ESRRG: variants seen among roughly 807,000 people sequenced by gnomAD.
ESRRG encodes the protein estrogen related receptor gamma.
Under a neutral mutation model 44.0 loss-of-function variants are expected in ESRRG, and 13 were observed. That is an observed-to-expected ratio of 0.30 (90% CI 0.19 to 0.47). The LOEUF is 0.47. ESRRG is among the 20% of genes least tolerant of loss of function. The probability of loss-of-function intolerance (pLI) is 1.00; values close to 1 mark genes in which losing one functional copy is unlikely to be tolerated. For missense variants in ESRRG, 395 were observed against 580.6 expected (o/e 0.68, Z 3.29); for synonymous variants, 215 against 214.6 (o/e 1.00, Z -0.02).
At chr1:217,069,277 A>G (rs899607874) in intron 1 of ESRRG, among the ~76,000 whole-genome samples, 4 of 152,226 alleles carry the variant, frequency 2.6e-5, no homozygotes, top group Non-Finnish European at 4.4e-5. Flanking sequence ...AAGTTCTTCA[A>G]TTTTGGGACT....
At chr1:216,520,693 A>G (rs1386855167) in intron 5 of ESRRG, among the ~76,000 whole-genome samples, 1 of 152,148 alleles carries the variant, frequency 6.6e-6, no homozygotes, top group East Asian at 1.9e-4. Context: ...ATGGCTTCTG[A>G]GGACAGTGGT....
rs2060477732 is a variant in ESRRG, at chr1:216,912,176, AAAAGAAAAGGAGAGGAGAGG to A, written c.-14+27386_-14+27405del. 3.3e-3 allele frequency among the ~76,000 whole-genome samples: 99 copies of A among 30,076 alleles called. 12 individuals carry two copies. The highest frequency in any genetic ancestry group is 6.8e-3 in the African/African-American group (42 of 6,160). The allele number at this position is 30,076 out of a possible 152,430, so 19.7% of individuals were successfully genotyped here. A position where few individuals can be genotyped will look rare whatever the true frequency, so the allele number is the denominator to read the frequency against. On this transcript the variant is annotated intron_variant, in intron 2 of 7. Transcript: ENST00000359162. ...AAAAGAAAAGAAAAGAAAAGAAAAGAAAAGAAAAGGAGAGGAGAGGAGAGGAGAGGAGAGGAGAGGAGAGG... is the reference window on the plus strand; with the variant it reads ...AAAAGAAAAGAAAAGAAAAGAAAAGAAGAGGAGAGGAGAGGAGAGGAGAGG...
chr1:216,820,064 T>A (rs768190390), intron 2 of ESRRG, among the ~76,000 whole-genome samples: 11 of 152,176 alleles, frequency 7.2e-5, no homozygotes, highest in Non-Finnish European at 1.3e-4. Context: ...CAGAGAGAGA[T>A]CTCACTACAT....
At chr1:216,771,111 A>G (rs949914795) in intron 2 of ESRRG, among the ~76,000 whole-genome samples, 19 of 152,136 alleles carry the variant, frequency 1.2e-4, no homozygotes, top group African/African-American at 4.6e-4. Context: ...AGTAGCCAGG[A>G]GGCCATCATG....
At position 216,954,322 on chromosome 1, in the gene ESRRG, G is replaced by C. The variant is rs142343164; in HGVS notation, c.-105-14649C>G. ...ACTGAAGAAGTCTTCACACCTCTTG[G>C]ATGGCCATTTTCAGGAAAGCTCTGT... On this transcript the variant is annotated intron_variant, in intron 1 of 7. Transcript: ENST00000359162. Among the ~76,000 whole-genome samples, 69 of 152,104 alleles carry C rather than the reference G, an allele frequency of 4.5e-4. No homozygotes were observed. In the East Asian group the frequency reaches 0.013, roughly 28 times the overall value.
chr1:216,813,656 G>A (rs1433502128), intron 2 of ESRRG, among the ~76,000 whole-genome samples: 2 of 152,188 alleles, frequency 1.3e-5, no homozygotes, highest in African/African-American at 2.4e-5. Flanking sequence ...TCTGTAAAGT[G>A]GTGAAATAGT....
intron 3 of ESRRG, among the ~76,000 whole-genome samples, chr1:216,607,848 A>G: frequency 6.6e-6 from 1 of 152,208 alleles, no homozygotes; most frequent in East Asian, 1.9e-4. Context: ...ATGATAACAA[A>G]TGAAAACACT....
chr1:217,017,784 G>A (rs2079641049), intron 1 of ESRRG, among the ~76,000 whole-genome samples: 1 of 152,152 alleles, frequency 6.6e-6, no homozygotes, highest in South Asian at 2.1e-4. Context: ...ATAAATGTTA[G>A]TTGACAGTAA....
chr1:216,555,434 A>C (rs562199776), intron 5 of ESRRG, among the ~76,000 whole-genome samples: 5 of 152,264 alleles, frequency 3.3e-5, no homozygotes, highest in Admixed American at 3.3e-4. Context: ...TAATTTTGAT[A>C]GGTACAAAGC....
At chr1:216,606,085 G>T in intron 3 of ESRRG, among the ~76,000 whole-genome samples, 1 of 152,148 alleles carries the variant, frequency 6.6e-6, no homozygotes, top group South Asian at 2.1e-4. Context: ...AGTAATAAAT[G>T]TCAGAGCTGT....
chr1:216,563,945 G>T (rs1318769555), intron 5 of ESRRG, among the ~76,000 whole-genome samples: 1 of 152,116 alleles, frequency 6.6e-6, no homozygotes, highest in Non-Finnish European at 1.5e-5. Context: ...AAAGGATAAA[G>T]AAATGTTTTA....
intron 2 of ESRRG, among the ~76,000 whole-genome samples, chr1:216,877,388 TGTTTGTTTGTTTG>T (rs2096373510): frequency 1.5e-5 from 1 of 64,656 alleles, no homozygotes; most frequent in Non-Finnish European, 3.1e-5. Context: ...TGTTTTTTTT[TGTTTGTTTGTTTG>T]TTTGTTTGTT....
intron 2 of ESRRG, among the ~76,000 whole-genome samples, chr1:216,665,621 C>A (rs907446005): frequency 1.3e-5 from 2 of 152,010 alleles, no homozygotes; most frequent in African/African-American, 4.8e-5. Context: ...TGAGCTATTG[C>A]ACAACCATGA....
chr1:216,945,898 G>GT (rs1019373437), intron 1 of ESRRG, among the ~76,000 whole-genome samples: 3 of 152,012 alleles, frequency 2.0e-5, no homozygotes, highest in African/African-American at 4.8e-5. Context: ...CCTCAGTTCT[G>GT]TTTTTTTGGC....
rs933508916 is a variant in ESRRG, at chr1:216,677,568, A to G, written c.57-77T>C. 9.7e-6 allele frequency: 12 copies of G among 1,235,228 alleles called. No homozygotes were observed. In the African/African-American group the frequency reaches 1.7e-4, roughly 17 times the overall value. 76.5% of individuals were successfully genotyped at this position (1,235,228 alleles called of 1,614,324 possible). A position where few individuals can be genotyped will look rare whatever the true frequency, so the allele number is the denominator to read the frequency against. ...ACAGAGACCAAAAGAGGTAGAAACA[A>G]AAGAGATGGTGAAAAATAGAGAAAG... On this transcript the variant is annotated intron_variant, in intron 1 of 6. Coordinates refer to ENST00000408911, the MANE Select transcript of ESRRG (RefSeq NM_001438.4).
chr1:216,702,962 T>A (rs2081711233), intron 1 of ESRRG, among the ~76,000 whole-genome samples: 1 of 152,152 alleles, frequency 6.6e-6, no homozygotes, highest in Admixed American at 6.5e-5. Context: ...CTTGCCAGTA[T>A]ATCTTAAATT....
At chr1:216,520,611 G>T (rs2045797015) in intron 5 of ESRRG, among the ~76,000 whole-genome samples, 1 of 152,018 alleles carries the variant, frequency 6.6e-6, no homozygotes, top group Admixed American at 6.6e-5. Flanking sequence ...TCCTAAAAAA[G>T]AAATGTTTCT....
chr1:217,009,061 T>C (rs1320686392), intron 1 of ESRRG, among the ~76,000 whole-genome samples: 1 of 152,184 alleles, frequency 6.6e-6, no homozygotes, highest in Non-Finnish European at 1.5e-5. Context: ...GTAAAAAATA[T>C]TTTACAGCTC....
At chr1:216,748,098 A>C (rs1162095764) in intron 2 of ESRRG, among the ~76,000 whole-genome samples, 1 of 152,302 alleles carries the variant, frequency 6.6e-6, no homozygotes, top group South Asian at 2.1e-4. Flanking sequence ...TTACAAATAA[A>C]GTTTAGAAAA....
Sources: allele counts gnomAD v4.1 joint callset (sites outside exome capture counted in the v4.1 genomes callset), GRCh38; gene constraint gnomAD v4.1.1; transcripts MANE v1.5; gene names NCBI Gene and HGNC (gene_info 2026-07-23, HGNC 2026-07-21).